BBS5: variants seen among roughly 807,000 people sequenced by gnomAD.
The protein encoded by BBS5 is BBSome complex member BBS5.
BBS5 carries 39 observed loss-of-function variants against 50.2 expected under a neutral mutation model. The ratio of observed to expected loss-of-function variants is 0.78; its 90% CI spans 0.60 to 1.01. The LOEUF (loss-of-function observed/expected upper bound fraction) is 1.01. BBS5 is among the 50% of genes least tolerant of loss of function. The pLI, the probability that BBS5 is intolerant of heterozygous loss-of-function variation, is 0.00. For missense variants in BBS5, 356 were observed against 401.5 expected, an observed-to-expected ratio of 0.89 and a Z score of 0.97; for synonymous variants, 134 against 133.1, an observed-to-expected ratio of 1.01 and a Z score of -0.05.
At chr2:169,486,558 T>C (rs1284348076) in intron 2 of BBS5, among the ~76,000 whole-genome samples, 1 of 152,184 alleles carries the variant, frequency 6.6e-6, no homozygotes, top group Non-Finnish European at 1.5e-5. Flanking sequence ...CCATAACTTC[T>C]TAGGAACAAA....
In BBS5 at chr2:169,506,233, T is replaced by C; in HGVS notation, c.*1651T>C. ...CCCCGTCCGGGAGGTTAGGGGCGCC[T>C]CTGCCCGGCCGCCCCTACTGGGAAG... On this transcript the variant is annotated 3_prime_UTR_variant, in exon 12 of 12. Transcript: ENST00000295240. 1 of 157,830 alleles carries C rather than the reference T, an allele frequency of 6.3e-6. No homozygotes were observed. Among genetic ancestry groups the C allele is most frequent in the Non-Finnish European group, 1.4e-5 (1 of 73,718 alleles). 9.8% of individuals were successfully genotyped at this position (157,830 alleles called of 1,614,324 possible). A position where few individuals can be genotyped will look rare whatever the true frequency, so the allele number is the denominator to read the frequency against.
Position 169,499,551 on chromosome 2 carries a change from A to G in BBS5, c.747A>G (p.Glu249=). The G allele has an allele frequency of 1.2e-6, 2 of 1,613,604 alleles. No homozygotes were observed. The highest frequency in any genetic ancestry group is 1.7e-6 in the Non-Finnish European group (2 of 1,179,534). ...AAAAACTACAAGAATCAGTTAAGGA[A>G]ATCAATTCACTTCACAAAGTCTATT... ...PVEKLQESVK[E]INSLHKVYSA... Residue 249 remains glutamate, a synonymous_variant, in exon 9 of 12, where the codon GAA becomes GAG. Transcript: ENST00000295240.
At chr2:169,500,354 TG>T (rs1457216551) in intron 9 of BBS5, among the ~76,000 whole-genome samples, 3 of 152,198 alleles carry the variant, frequency 2.0e-5, no homozygotes, top group South Asian at 2.1e-4. Flanking sequence ...CCTCTATTGT[TG>T]GTGCCCCCCA....
chr2:169,487,017 C>T, intron 2 of BBS5, 52 bp from the exon 3 acceptor site: 3 of 1,247,372 alleles, frequency 2.4e-6, no homozygotes, highest in Non-Finnish European at 3.5e-6. Flanking sequence ...TTCAGTGCTG[C>T]AAAAATGGGT....
chr2:169,487,166 A>G (rs1311292024), intron 3 of BBS5, 32 bp downstream of exon 3: 2 of 1,497,292 alleles, frequency 1.3e-6, no homozygotes, highest in South Asian at 2.3e-5. Context: ...GTCTGAAGAA[A>G]AAAAATCCTT....
At chr2:169,484,893 A>T (rs1683463458) in intron 2 of BBS5, among the ~76,000 whole-genome samples, 1 of 152,226 alleles carries the variant, frequency 6.6e-6, no homozygotes, top group Non-Finnish European at 1.5e-5. Context: ...GGACAACTAT[A>T]CTTTGGTATT....
intron 2 of BBS5, among the ~76,000 whole-genome samples, chr2:169,483,611 A>C (rs961646053): frequency 1.3e-5 from 2 of 152,156 alleles, no homozygotes; most frequent in African/African-American, 2.4e-5. Flanking sequence ...GATTGTTTAG[A>C]TTCGGTTGAA....
intron 7 of BBS5, among the ~76,000 whole-genome samples, chr2:169,496,845 G>A (rs975475491): frequency 1.3e-5 from 2 of 151,974 alleles, no homozygotes; most frequent in African/African-American, 2.4e-5. Context: ...CTCCAGCCTG[G>A]GCAACAGAGC....
chr2:169,492,483 C>T (rs548166389), intron 5 of BBS5, among the ~76,000 whole-genome samples: 8 of 137,030 alleles, frequency 5.8e-5, no homozygotes, highest in African/African-American at 2.3e-4. Context: ...AGTGAGACTC[C>T]ATCTCAAAAA....
At chr2:169,483,299 G>A (rs1683432442) in intron 2 of BBS5, among the ~76,000 whole-genome samples, 1 of 152,142 alleles carries the variant, frequency 6.6e-6, no homozygotes, top group Non-Finnish European at 1.5e-5. Flanking sequence ...GTTCCCCTCA[G>A]AGACCTTATT....
At chr2:169,498,043 G>A (rs1295924277) in intron 8 of BBS5, among the ~76,000 whole-genome samples, 1 of 152,200 alleles carries the variant, frequency 6.6e-6, no homozygotes, top group African/African-American at 2.4e-5. Flanking sequence ...GCTTTGAGAA[G>A]TTAGGAACCT....
At chr2:169,500,242 T>C (rs1025184199) in intron 9 of BBS5, among the ~76,000 whole-genome samples, 1 of 152,214 alleles carries the variant, frequency 6.6e-6, no homozygotes, top group South Asian at 2.1e-4. Flanking sequence ...ATCCAGTCTA[T>C]CAGTGATTTC....
At chr2:169,481,561 A>G (rs1230264406) in intron 1 of BBS5, among the ~76,000 whole-genome samples, 2 of 152,166 alleles carry the variant, frequency 1.3e-5, no homozygotes, top group African/African-American at 4.8e-5. Flanking sequence ...TGTATTTTCA[A>G]TAGGTAGTTG....
intron 7 of BBS5, among the ~76,000 whole-genome samples, chr2:169,494,834 C>A (rs751293060): frequency 2.0e-5 from 3 of 152,042 alleles, no homozygotes; most frequent in Non-Finnish European, 4.4e-5. Flanking sequence ...GATATATAGT[C>A]TTAAGACTAA....
rs1217946954 is a variant in BBS5 at position 169,489,883 on chromosome 2, T to A, written c.386+1769T>A. Reference sequence around the variant, plus strand: ...TTTTTTTTTTTTTTTTTTTTTTTTTTTTTTTTTTTAGAGACAGAGTCTTGC... The same window carrying A: ...TTTTTTTTTTTTTTTTTTTTTTTTTATTTTTTTTTAGAGACAGAGTCTTGC... On this transcript the variant is annotated intron_variant, in intron 5 of 11. Transcript: ENST00000295240. Among the ~76,000 whole-genome samples, 18 of 87,960 alleles carry A rather than the reference T, an allele frequency of 2.0e-4. 2 individuals are homozygous for A. In the Admixed American group the frequency reaches 2.1e-3, roughly 10 times the overall value. The allele number at this position is 87,960 out of a possible 152,430, so 57.7% of individuals were successfully genotyped here.
intron 2 of BBS5, among the ~76,000 whole-genome samples, chr2:169,486,375 C>A (rs1683488947): frequency 2.0e-5 from 3 of 152,122 alleles, no homozygotes; most frequent in Non-Finnish European, 2.9e-5. Flanking sequence ...CTCTAATACA[C>A]CTAGTATACC....
chr2:169,504,472 C>T lies in BBS5; in HGVS notation c.925-9C>T, dbSNP rs761373437. 2.5e-6 allele frequency: 4 copies of T among 1,612,354 alleles called. No homozygotes were observed. Among genetic ancestry groups the T allele is most frequent in the South Asian group, 1.1e-5 (1 of 91,026 alleles). On this transcript the variant is annotated splice_polypyrimidine_tract_variant and intron_variant, in intron 11 of 11. Coordinates refer to ENST00000295240, the MANE Select transcript of BBS5 (RefSeq NM_152384.3). ...CTATTCCCATCTTATCCTCCTGTCT[C>T]CCAAAAAGCAACAAGATCGTGAACC...
intron 1 of BBS5, 80 bp from the exon 2 acceptor site, chr2:169,482,171 A>G (rs12614103): frequency 0.047 from 41,109 of 877,662 alleles, 1,273 homozygotes; most frequent in East Asian, 0.11. Context: ...TTTTATGTAC[A>G]TATGTCTCTT....
intron 5 of BBS5, among the ~76,000 whole-genome samples, chr2:169,490,496 G>A (rs1368169325): frequency 2.6e-5 from 4 of 152,098 alleles, no homozygotes; most frequent in Admixed American, 6.5e-5. Context: ...GATTACAGGC[G>A]TGAGCCACCG....
Sources: allele counts gnomAD v4.1 joint callset (sites outside exome capture counted in the v4.1 genomes callset), GRCh38; gene constraint gnomAD v4.1.1; transcripts MANE v1.5; gene names NCBI Gene and HGNC (gene_info 2026-07-23, HGNC 2026-07-21).